OPCML: variants seen among roughly 807,000 people sequenced by gnomAD.
OPCML encodes the protein opioid binding protein/cell adhesion molecule like.
OPCML carries 13 observed loss-of-function variants against 37.8 expected under a neutral mutation model. That is an observed-to-expected ratio of 0.34 (90% CI 0.22 to 0.55). OPCML has a LOEUF of 0.55. Ranked by LOEUF, OPCML falls within the 20% of genes least tolerant of loss-of-function variation. OPCML has a pLI of 0.91. For missense variants in OPCML, 341 were observed against 435.6 expected (o/e 0.78, Z 1.93); for synonymous variants, 176 against 168.8 (o/e 1.04, Z -0.33).
chr11:132,470,700 G>T (rs2096135470), intron 4 of OPCML, among the ~76,000 whole-genome samples: 1 of 152,158 alleles, frequency 6.6e-6, no homozygotes. Flanking sequence ...CTACAGAAAT[G>T]AGGAAACTGA....
chr11:133,098,295 A>C (rs1054384178), intron 1 of OPCML, among the ~76,000 whole-genome samples: 1 of 149,160 alleles, frequency 6.7e-6, no homozygotes, highest in Non-Finnish European at 1.5e-5. Context: ...GGCTCACTGC[A>C]AGCTCTGCCT....
In OPCML at chr11:132,979,876, G is replaced by A. The variant is rs1946546448; in HGVS notation, c.62-36866C>T. 2.0e-5 allele frequency among the ~76,000 whole-genome samples: 3 copies of A among 152,132 alleles called. No individual in the cohort carries two copies. The South Asian group carries it at 6.2e-4, about 32-fold the overall frequency. On this transcript the variant is annotated intron_variant, in intron 1 of 7. Transcript: ENST00000524381. ...AGAAGGCAGGGGGATTATAAAGGCA[G>A]GAGGAAGCCTGACTATTCAGAATGA...
At chr11:132,598,949 G>A (rs941265339) in intron 3 of OPCML, among the ~76,000 whole-genome samples, 1 of 152,064 alleles carries the variant, frequency 6.6e-6, no homozygotes, top group Admixed American at 6.6e-5. Flanking sequence ...TACTAGTTCC[G>A]TGATCAACTT....
intron 4 of OPCML, among the ~76,000 whole-genome samples, chr11:132,473,362 C>T (rs577297224): frequency 6.6e-6 from 1 of 152,126 alleles, no homozygotes; most frequent in African/African-American, 2.4e-5. Context: ...GGGGAAAGAC[C>T]CAATCTGTAA....
intron 1 of OPCML, among the ~76,000 whole-genome samples, chr11:133,198,353 G>T (rs960918455): frequency 2.0e-5 from 3 of 152,198 alleles, no homozygotes; most frequent in African/African-American, 7.2e-5. Flanking sequence ...AAGGACATTC[G>T]ATCATACATT....
chr11:133,131,763 G>T (rs510720), intron 1 of OPCML, among the ~76,000 whole-genome samples: 2 of 152,058 alleles, frequency 1.3e-5, no homozygotes, highest in Admixed American at 6.5e-5. Flanking sequence ...GTCTTAACAT[G>T]TTTGAACCTC....
intron 2 of OPCML, among the ~76,000 whole-genome samples, chr11:132,670,333 T>G (rs896784949): frequency 6.6e-6 from 1 of 152,118 alleles, no homozygotes; most frequent in African/African-American, 2.4e-5. Context: ...GCCCACAGAT[T>G]TCCCTACAAA....
At chr11:132,559,039 T>C (rs2096404598) in intron 3 of OPCML, among the ~76,000 whole-genome samples, 1 of 152,038 alleles carries the variant, frequency 6.6e-6, no homozygotes, top group African/African-American at 2.4e-5. Flanking sequence ...CATAGAATGA[T>C]GACTTCCATG....
chr11:133,187,738 G>A (rs1169295265), intron 1 of OPCML, among the ~76,000 whole-genome samples: 1 of 152,134 alleles, frequency 6.6e-6, no homozygotes, highest in African/African-American at 2.4e-5. Context: ...CCAGTGTTAG[G>A]TATCATACGC....
chr11:132,971,801 A>G (rs977752441), intron 1 of OPCML, among the ~76,000 whole-genome samples: 6 of 151,996 alleles, frequency 3.9e-5, no homozygotes, highest in African/African-American at 9.7e-5. Context: ...AACCACACCA[A>G]TACTGGCTTT....
At chr11:132,991,289 G>C (rs946713559) in intron 1 of OPCML, among the ~76,000 whole-genome samples, 1 of 152,218 alleles carries the variant, frequency 6.6e-6, no homozygotes, top group East Asian at 1.9e-4. Context: ...GATTATCAGT[G>C]ACATTTTCTC....
chr11:132,703,542 C>A (rs1028039473), intron 2 of OPCML, among the ~76,000 whole-genome samples: 4 of 152,162 alleles, frequency 2.6e-5, no homozygotes, highest in African/African-American at 9.7e-5. Flanking sequence ...AAGTCATTTC[C>A]CACTCAGTCT....
At chr11:132,911,877 G>A (rs1203444847) in intron 2 of OPCML, among the ~76,000 whole-genome samples, 2 of 152,170 alleles carry the variant, frequency 1.3e-5, no homozygotes, top group Non-Finnish European at 2.9e-5. Context: ...ACTCTTTGCT[G>A]TCACCCAGGG....
chr11:133,475,882 G>T (rs972341365), intron 1 of OPCML, among the ~76,000 whole-genome samples: 5 of 152,170 alleles, frequency 3.3e-5, no homozygotes. Context: ...GAAATAAAAG[G>T]TCCTTGCCTG....
At chr11:132,494,015 G>A (rs1033954216) in intron 4 of OPCML, among the ~76,000 whole-genome samples, 4 of 152,192 alleles carry the variant, frequency 2.6e-5, no homozygotes, top group African/African-American at 9.6e-5. Flanking sequence ...TGTGCTCCCT[G>A]TAGGGTGCCT....
chr11:132,985,580 T>C (rs1351254619), intron 1 of OPCML, among the ~76,000 whole-genome samples: 1 of 152,222 alleles, frequency 6.6e-6, no homozygotes, highest in Non-Finnish European at 1.5e-5. Context: ...CAGGAGAATA[T>C]TCCCTTAGAT....
chr11:132,711,462 A>C (rs1159136361), intron 2 of OPCML, among the ~76,000 whole-genome samples: 3 of 152,236 alleles, frequency 2.0e-5, no homozygotes, highest in Non-Finnish European at 4.4e-5. Context: ...CAAATTTAAC[A>C]TGAGTTGCGT....
At chr11:132,824,485 A>G (rs750816951) in intron 2 of OPCML, among the ~76,000 whole-genome samples, 23 of 152,074 alleles carry the variant, frequency 1.5e-4, no homozygotes, top group Non-Finnish European at 2.2e-4. Flanking sequence ...ACTTTTTATC[A>G]TCTCATTTTT....
At chr11:132,635,865 G>A (rs1003648751) in intron 3 of OPCML, among the ~76,000 whole-genome samples, 5 of 152,040 alleles carry the variant, frequency 3.3e-5, no homozygotes, top group African/African-American at 7.2e-5. Context: ...AGAACCAAGC[G>A]GCAGGAGGTT....
Sources: gnomAD v4.1 joint callset for allele counts (sites outside exome capture counted in the v4.1 genomes callset) on GRCh38, gnomAD v4.1.1 for gene constraint, MANE v1.5 for transcripts, NCBI Gene and HGNC (gene_info 2026-07-23, HGNC 2026-07-21) for gene names.